Variants in NAALAD2 observed in about 807,000 individuals in gnomAD.
NAALAD2 encodes N-acetylated alpha-linked acidic dipeptidase 2.
NAALAD2 carries 89 observed loss-of-function variants against 95.6 expected under a neutral mutation model. The ratio of observed to expected loss-of-function variants is 0.93; its 90% confidence interval spans 0.78 to 1.11. The LOEUF (loss-of-function observed/expected upper bound fraction) is 1.11. Ranked by LOEUF, NAALAD2 falls within the 50% of genes least tolerant of loss-of-function variation. The pLI is 0.00. For missense variants in NAALAD2, 894 were observed against 872.4 expected (o/e 1.02, Z -0.31); for synonymous variants, 264 against 294.4 (o/e 0.90, Z 1.06).
At chr11:90,184,643 G>A (rs1378742416) in intron 18 of NAALAD2, among the ~76,000 whole-genome samples, 1 of 151,652 alleles carries the variant, frequency 6.6e-6, no homozygotes, top group Non-Finnish European at 1.5e-5. Flanking sequence ...TAAAAACTCA[G>A]GCTCTGTAGA....
chr11:90,163,075 A>C, intron 9 of NAALAD2, 41 bp downstream of exon 9: 1 of 1,420,032 alleles, frequency 7.0e-7, no homozygotes, highest in Non-Finnish European at 9.7e-7. Context: ...TTTTTACAAA[A>C]ATTAAAGGGT....
In NAALAD2 at chr11:90,152,464, C is replaced by T; in HGVS notation, c.776C>T (p.Thr259Ile). ...TTGAATGGTGCTGGTGACCCACTCACTCCAGGCTATCCAGCAAAAGGTAAG... is the reference window on the plus strand; with the variant it reads ...TTGAATGGTGCTGGTGACCCACTCATTCCAGGCTATCCAGCAAAAGGTAAG... The part of the protein sequence containing the change: ...LNLNGAGDPL[T>I]PGYPAKEYTF... The change falls in exon 6 of 19, where the codon ACT becomes ATT. Residue 259 changes from threonine to isoleucine, a missense_variant. Transcript: ENST00000534061. 6.2e-7 allele frequency: 1 copy of T among 1,611,872 alleles called. No homozygotes were observed. The highest frequency in any genetic ancestry group is 8.5e-7 in the Non-Finnish European group (1 of 1,178,318).
intron 4 of NAALAD2, 95 bp from the exon 5 acceptor site, chr11:90,150,387 A>C (rs549108654): frequency 4.6e-5 from 31 of 674,214 alleles, no homozygotes; most frequent in African/African-American, 4.0e-4. Context: ...GAAAGGAAAC[A>C]CTTTTGATGA....
intron 13 of NAALAD2, among the ~76,000 whole-genome samples, chr11:90,171,295 C>T (rs1333866545): frequency 6.6e-6 from 1 of 152,122 alleles, no homozygotes; most frequent in East Asian, 1.9e-4. Context: ...ATTAATATTT[C>T]CTCCCTTAAT....
chr11:90,140,643 A>C (rs1951587022), intron 2 of NAALAD2, among the ~76,000 whole-genome samples: 1 of 152,082 alleles, frequency 6.6e-6, no homozygotes, highest in African/African-American at 2.4e-5. Context: ...TGCAGTGAAC[A>C]AATATTTTTT....
At chr11:90,138,999 A>T (rs184348667) in intron 2 of NAALAD2, among the ~76,000 whole-genome samples, 39 of 152,116 alleles carry the variant, frequency 2.6e-4, no homozygotes, top group Non-Finnish European at 4.7e-4. Context: ...CATAGAGTGC[A>T]GTGAGCCTTA....
chr11:90,163,422 G>A lies in NAALAD2; in HGVS notation c.1188G>A (p.Met396Ile). Residue 396 changes from methionine to isoleucine, a missense_variant, in exon 10 of 19, where the codon ATG (methionine) becomes ATA (isoleucine). Coordinates refer to ENST00000534061, the MANE Select transcript of NAALAD2 (RefSeq NM_005467.4). ...TTGCCCGGAGTTTTGGAAAACTGAT[G>A]AGTAAAGGTAAACAACCTTTCTTTC... ...QEIARSFGKL[M>I]SKGWRPRRTI... The A allele has an allele frequency of 6.2e-7, 1 of 1,613,962 alleles. No homozygotes were observed. The highest frequency in any genetic ancestry group is 1.6e-4 in the Middle Eastern group (1 of 6,062).
At chr11:90,150,234 G>GGC (rs1315348867) in intron 4 of NAALAD2, among the ~76,000 whole-genome samples, 3 of 115,894 alleles carry the variant, frequency 2.6e-5, no homozygotes, top group African/African-American at 1.2e-4. Context: ...CAGCCTGGGT[G>GGC]ACAGTGAAAT....
chr11:90,155,051 T>A lies in NAALAD2; in HGVS notation c.796+2567T>A, dbSNP rs141494015. On this transcript the variant is annotated intron_variant, in intron 6 of 18. Coordinates refer to ENST00000534061, the MANE Select transcript of NAALAD2 (RefSeq NM_005467.4). ...AATATGTATATATGTGTGTATATAT[T>A]ATATACATATACATATGTATATATG... is the stretch of plus-strand genomic sequence containing the variant. 2.1e-3 allele frequency among the ~76,000 whole-genome samples: 255 copies of A among 123,872 alleles called. 1 individual carries two copies. The highest frequency in any genetic ancestry group is 8.8e-3 in the African/African-American group (242 of 27,460). 81.3% of individuals were successfully genotyped at this position (123,872 alleles called of 152,430 possible). A position where few individuals can be genotyped will look rare whatever the true frequency, so the allele number is the denominator to read the frequency against.
At chr11:90,189,531 G>A (rs112839613) in intron 18 of NAALAD2, among the ~76,000 whole-genome samples, 59 of 152,306 alleles carry the variant, frequency 3.9e-4, no homozygotes, top group African/African-American at 1.4e-3. Context: ...CACTTTGGGA[G>A]GTTAAGGCGG....
chr11:90,139,361 G>A (rs975322206), intron 2 of NAALAD2, among the ~76,000 whole-genome samples: 4 of 152,102 alleles, frequency 2.6e-5, no homozygotes, highest in South Asian at 2.1e-4. Context: ...AGTAGAATTC[G>A]CCTATCCCTT....
At chr11:90,149,410 T>G (rs1565516351) in intron 4 of NAALAD2, among the ~76,000 whole-genome samples, 1 of 152,102 alleles carries the variant, frequency 6.6e-6, no homozygotes, top group African/African-American at 2.4e-5. Context: ...GTAGGTGTTT[T>G]TTTGTTTGTT....
intron 15 of NAALAD2, 151 bp downstream of exon 15, chr11:90,176,213 T>C (rs1038557722): frequency 4.5e-5 from 26 of 580,814 alleles, no homozygotes; most frequent in African/African-American, 7.5e-5. Flanking sequence ...CCTTTCCAGA[T>C]GGACAAGGAA....
intron 2 of NAALAD2, 45 bp downstream of exon 2, chr11:90,135,715 T>C: frequency 6.7e-7 from 1 of 1,503,228 alleles, no homozygotes; most frequent in African/African-American, 1.4e-5. Flanking sequence ...ATGTTTAAAA[T>C]ATCACAGTGA....
At position 90,177,920 on chromosome 11, in the gene NAALAD2, A is replaced by G; in HGVS notation, c.1661A>G (p.Lys554Arg). The change falls in exon 16 of 19, where the codon AAA (lysine) becomes AGA (arginine). Residue 554 changes from lysine (K) to arginine (R), a missense_variant. Coordinates refer to ENST00000534061, the MANE Select transcript of NAALAD2 (RefSeq NM_005467.4). ...TIYETFELVE[K>R]FYDPTFKKQL... ...TATGAGACATTTGAATTGGTAGAGA[A>G]ATTTTATGACCCCACATTTAAAAAA... The G allele has an allele frequency of 6.2e-7, 1 of 1,613,844 alleles. No individual in the cohort carries two copies. The highest frequency in any genetic ancestry group is 1.1e-5 in the South Asian group (1 of 91,072).
At chr11:90,144,125 A>G (rs1011230218) in intron 2 of NAALAD2, among the ~76,000 whole-genome samples, 1 of 152,176 alleles carries the variant, frequency 6.6e-6, no homozygotes, top group Non-Finnish European at 1.5e-5. Context: ...TACACATACA[A>G]AAATTACACA....
At chr11:90,180,252 G>C (rs1952921010) in intron 16 of NAALAD2, among the ~76,000 whole-genome samples, 1 of 152,006 alleles carries the variant, frequency 6.6e-6, no homozygotes, top group African/African-American at 2.4e-5. Context: ...TATCTATCTT[G>C]ACTTCTGTCC....
At chr11:90,186,987 A>G (rs1341653432) in intron 18 of NAALAD2, among the ~76,000 whole-genome samples, 3 of 150,488 alleles carry the variant, frequency 2.0e-5, no homozygotes, top group African/African-American at 7.3e-5. Flanking sequence ...CAAGAAAAAA[A>G]CAACCCCATC....
chr11:90,183,994 A>T (rs1403522142), intron 18 of NAALAD2, among the ~76,000 whole-genome samples: 1 of 151,986 alleles, frequency 6.6e-6, no homozygotes, highest in Non-Finnish European at 1.5e-5. Context: ...CCATTTTCTC[A>T]AGGTCCTTCT....
Sources: allele counts gnomAD v4.1 joint callset (sites outside exome capture counted in the v4.1 genomes callset), GRCh38; gene constraint gnomAD v4.1.1; transcripts MANE v1.5; gene names NCBI Gene and HGNC (gene_info 2026-07-23, HGNC 2026-07-21).